The following CHAF1A variants were observed in gnomAD, a reference collection of about 807,000 sequenced individuals.
The protein encoded by CHAF1A is chromatin assembly factor 1 subunit A.
In CHAF1A, 5 loss-of-function variants were observed where a neutral mutation model predicts 93.2. That is an observed-to-expected ratio of 0.05 (90% CI 0.03 to 0.11). The LOEUF (loss-of-function observed/expected upper bound fraction) is 0.11. CHAF1A is among the 10% of genes least tolerant of loss of function. The pLI is 1.00. For synonymous variants in CHAF1A, 504 were observed against 510.3 expected, an observed-to-expected ratio of 0.99 and a Z score of 0.17; for missense variants, 1,102 against 1,259.9, an observed-to-expected ratio of 0.87 and a Z score of 1.90.
At position 4,427,136 on chromosome 19, in the gene CHAF1A, C is replaced by CTT. The variant is rs747750687; in HGVS notation, c.1378-1498_1378-1497dup. 7.8e-3 allele frequency among the ~76,000 whole-genome samples: 248 copies of CTT among 31,940 alleles called. 27 individuals carry two copies. Among genetic ancestry groups the CTT allele is most frequent in the Non-Finnish European group, 8.9e-3 (179 of 20,168 alleles). 21.0% of individuals were successfully genotyped at this position (31,940 alleles called of 152,430 possible). ...GTGATCTTTCAAAAAAAGACCCTGT[C>CTT]TTTTTTTTTTTTTTTTTTTTTTTTT... On this transcript the variant is annotated intron_variant, in intron 7 of 14. Transcript: ENST00000301280.
In CHAF1A at chr19:4,433,785, A is replaced by G. The variant is rs1235466199; in HGVS notation, c.2673+246A>G. On this transcript the variant is annotated intron_variant, in intron 13 of 14. Coordinates refer to ENST00000301280, the MANE Select transcript of CHAF1A (RefSeq NM_005483.3). The surrounding 1 kb of genome is among the most constrained non-coding windows in gnomAD (Gnocchi z 5.6). ...CCTGGCTAATTTTTGTATTTTTAGT[A>G]GAGACGGGGTTTCACCATGTTGGTC... 6.6e-6 allele frequency among the ~76,000 whole-genome samples: 1 copy of G among 151,840 alleles called. No individual in the cohort carries two copies. Among genetic ancestry groups the G allele is most frequent in the African/African-American group, 2.4e-5 (1 of 41,358 alleles).
At position 4,426,312 on chromosome 19, in the gene CHAF1A, C is replaced by T. The variant is rs558839459; in HGVS notation, c.1378-2352C>T. ...CCTCCCGAGTAGCTGGGACTACAAG[C>T]GCCCGCCACCATGCCCCGCTAATTT... On this transcript the variant is annotated intron_variant, in intron 7 of 14. Transcript: ENST00000301280. 3.7e-3 allele frequency among the ~76,000 whole-genome samples: 563 copies of T among 151,604 alleles called. 3 individuals are homozygous for T. The highest frequency in any genetic ancestry group is 5.2e-3 in the Non-Finnish European group (354 of 67,904).
At chr19:4,430,300 C>T (rs550836002) in intron 10 of CHAF1A, among the ~76,000 whole-genome samples, 1 of 152,278 alleles carries the variant, frequency 6.6e-6, no homozygotes, top group East Asian at 1.9e-4. Flanking sequence ...GCCCCAGCCT[C>T]CCTAGTAGCT....
intron 13 of CHAF1A, among the ~76,000 whole-genome samples, chr19:4,434,229 T>A (rs763179304): frequency 6.6e-6 from 1 of 152,084 alleles, no homozygotes; most frequent in Non-Finnish European, 1.5e-5. Flanking sequence ...ACCTGTAGTC[T>A]CAGCTACTCA....
chr19:4,446,030 C>A, downstream of CHAF1A: 1 of 1,599,936 alleles, frequency 6.3e-7, no homozygotes, highest in South Asian at 1.1e-5. Flanking sequence ...CAGCGGTGCT[C>A]CTGCGGGCCG....
At chr19:4,403,172 G>A (rs111980812) in intron 1 of CHAF1A, among the ~76,000 whole-genome samples, 205 of 152,326 alleles carry the variant, frequency 1.3e-3, no homozygotes, top group Non-Finnish European at 2.2e-3. Flanking sequence ...CCTTGACCAT[G>A]TTGGACCTTG....
chr19:4,446,278 C>T, downstream of CHAF1A: 6 of 1,570,008 alleles, frequency 3.8e-6, no homozygotes, highest in Non-Finnish European at 5.2e-6. Flanking sequence ...ATCGTTGGTG[C>T]CCACCCTGCA....
At chr19:4,442,478 T>G (rs1467199236) in intron 14 of CHAF1A, 137 bp downstream of exon 14, 1 of 736,524 alleles carries the variant, frequency 1.4e-6, no homozygotes, top group Non-Finnish European at 2.3e-6. Flanking sequence ...AAGTGGCTCC[T>G]GCCCTGCCAC....
intron 4 of CHAF1A, among the ~76,000 whole-genome samples, chr19:4,418,297 G>T (rs556804724): frequency 1.3e-5 from 2 of 151,934 alleles, no homozygotes; most frequent in Non-Finnish European, 2.9e-5. Context: ...TTTGTGTGTG[G>T]CCTTTTCTAA....
At position 4,422,802 on chromosome 19, in the gene CHAF1A, G is replaced by T. The variant is rs1163958858; in HGVS notation, c.1247+7G>T. 9 of 1,611,126 alleles carry T rather than the reference G, an allele frequency of 5.6e-6. No homozygotes were observed. Among genetic ancestry groups the T allele is most frequent in the Non-Finnish European group, 7.6e-6 (9 of 1,178,826 alleles). Reference sequence around the variant, plus strand: ...AGAGACAGGAAGCCCTGGAGTGAGTGTCCTTGGAGGCCATGCTGGGCCCGC... The same window carrying T: ...AGAGACAGGAAGCCCTGGAGTGAGTTTCCTTGGAGGCCATGCTGGGCCCGC... On this transcript the variant is annotated splice_region_variant and intron_variant, in intron 5 of 14. Coordinates refer to ENST00000301280, the MANE Select transcript of CHAF1A (RefSeq NM_005483.3). This position sits in a 1 kb window ranked among gnomAD's most constrained non-coding sequence, Gnocchi z 4.6.
In CHAF1A at chr19:4,423,943, G is replaced by C. The variant is rs565939773; in HGVS notation, c.1377+69G>C. Reference sequence around the variant, plus strand: ...GACTTTTCCTTTCTGAAAGTGAAAGGGTCTCTCCCCAGCCAGCTTCTCTCA... The same window carrying C: ...GACTTTTCCTTTCTGAAAGTGAAAGCGTCTCTCCCCAGCCAGCTTCTCTCA... On this transcript the variant is annotated intron_variant, in intron 7 of 14. Transcript: ENST00000301280. 3.8e-5 allele frequency: 55 copies of C among 1,444,526 alleles called. No homozygotes were observed. The South Asian group carries it at 5.2e-4, about 14-fold the overall frequency. The allele number at this position is 1,444,526 out of a possible 1,614,324, so 89.5% of individuals were successfully genotyped here. A position where few individuals can be genotyped will look rare whatever the true frequency, so the allele number is the denominator to read the frequency against.
chr19:4,448,492 G>T, downstream of CHAF1A: 2 of 1,221,518 alleles, frequency 1.6e-6, no homozygotes, highest in Non-Finnish European at 2.3e-6. Context: ...GGTAACAGGG[G>T]CAGGAAAAGG....
rs1974007815 is a variant in CHAF1A, at chr19:4,422,497, G to A, written c.1018-69G>A. The A allele has an allele frequency of 4.3e-6, 6 of 1,391,388 alleles. No individual in the cohort carries two copies. The highest frequency in any genetic ancestry group is 5.0e-6 in the Non-Finnish European group (5 of 1,004,748). The allele number at this position is 1,391,388 out of a possible 1,614,324, so 86.2% of individuals were successfully genotyped here. On this transcript the variant is annotated intron_variant, in intron 4 of 14. Coordinates refer to ENST00000301280, the MANE Select transcript of CHAF1A (RefSeq NM_005483.3). The surrounding 1 kb of genome is among the most constrained non-coding windows in gnomAD (Gnocchi z 4.6). ...CCGTCCAGGCCGTGCTGTCCTCCAT[G>A]CTGTGAACCGAGCTTCCTCCTGGGA...
At chr19:4,447,644 G>A, downstream of CHAF1A, 1 of 1,613,598 alleles carries the variant, frequency 6.2e-7, no homozygotes, top group Non-Finnish European at 8.5e-7. Flanking sequence ...GGTGGAGAAG[G>A]TGAGTGGGGC....
chr19:4,403,015 C>A (rs1411174593), intron 1 of CHAF1A, among the ~76,000 whole-genome samples: 1 of 152,208 alleles, frequency 6.6e-6, no homozygotes, highest in Non-Finnish European at 1.5e-5. Context: ...GTTGTAGCCG[C>A]GACCATATTG....
chr19:4,442,928 T>C lies in CHAF1A; in HGVS notation c.2774T>C (p.Val925Ala). ...MIVDVPDAAE[V>A]QAPCGAASGA... ...CCCTCCCTCTCTTGCCCTGCAGAGG[T>C]CCAAGCCCCGTGTGGAGCCGCTTCC... Residue 925 changes from valine (V) to alanine (A), a missense_variant, in exon 15 of 15, where the codon GTC (valine) becomes GCC (alanine). Around this residue, in one of 6 missense-constraint regions of CHAF1A, gnomAD observed 119 missense variants for 102.2 expected, o/e 1.16. Coordinates refer to ENST00000301280, the MANE Select transcript of CHAF1A (RefSeq NM_005483.3). 6.3e-7 allele frequency: 1 copy of C among 1,589,578 alleles called. No homozygotes were observed. The highest frequency in any genetic ancestry group is 1.7e-5 in the Admixed American group (1 of 57,244).
chr19:4,447,074 A>C, downstream of CHAF1A: 2 of 683,778 alleles, frequency 2.9e-6, no homozygotes, highest in Non-Finnish European at 5.0e-6. Context: ...GCTGGATGCA[A>C]ACCTGCTTTT....
At chr19:4,438,047 C>T (rs1293984972) in intron 13 of CHAF1A, among the ~76,000 whole-genome samples, 3 of 151,984 alleles carry the variant, frequency 2.0e-5, no homozygotes, top group Non-Finnish European at 4.4e-5. Flanking sequence ...GGCATCTTTT[C>T]TTGTTGTTAA....
intron 1 of CHAF1A, 94 bp downstream of exon 1, chr19:4,402,908 C>G: frequency 1.3e-6 from 1 of 772,614 alleles, no homozygotes; most frequent in East Asian, 4.0e-5. Context: ...CCTCCGGGCG[C>G]CAAGCCTGGT....
Sources: allele counts gnomAD v4.1 joint callset (sites outside exome capture counted in the v4.1 genomes callset), GRCh38; gene constraint gnomAD v4.1.1; regional missense constraint gnomAD v4.1.1; non-coding constraint Gnocchi (gnomAD v3.1); transcripts MANE v1.5; gene names NCBI Gene and HGNC (gene_info 2026-07-23, HGNC 2026-07-21).